TBC1D17: variants seen among roughly 807,000 people sequenced by gnomAD.
The protein encoded by TBC1D17 is TBC1 domain family member 17.
In TBC1D17, 69 loss-of-function variants were observed where a neutral mutation model predicts 78.8. The ratio of observed to expected loss-of-function variants is 0.88; its 90% CI spans 0.72 to 1.07. The LOEUF is 1.07. Among genes scored for constraint, TBC1D17 ranks in the 50% least tolerant of loss-of-function variants. TBC1D17 has a pLI of 0.00. For missense variants in TBC1D17, 957 were observed against 861.0 expected, an observed-to-expected ratio of 1.11 and a Z score of -1.39; for synonymous variants, 456 against 358.3, an observed-to-expected ratio of 1.27 and a Z score of -3.08.
intron 3 of TBC1D17, chr19:49,878,882 G>T (rs1397811996): frequency 2.8e-6 from 1 of 352,602 alleles, no homozygotes; most frequent in African/African-American, 2.1e-5. Flanking sequence ...GAAGGGAAAT[G>T]GCATTTCCTC....
chr19:49,882,764 G>C lies in TBC1D17; in HGVS notation c.799G>C (p.Val267Leu), dbSNP rs1305589473. 2.6e-6 allele frequency: 4 copies of C among 1,559,890 alleles called. No homozygotes were observed. The highest frequency in any genetic ancestry group is 2.6e-6 in the Non-Finnish European group (3 of 1,153,052). Residue 267 changes from valine (V) to leucine (L), a missense_variant and splice_region_variant, in exon 8 of 17, where the codon GTG (valine) becomes CTG (leucine). Physicochemically the swap from Val to Leu is conservative, Grantham distance 32 (BLOSUM62 1). Coordinates refer to ENST00000221543, the MANE Select transcript of TBC1D17 (RefSeq NM_024682.3). The part of the protein sequence containing the change: ...PEPGFEVISC[V>L]ELGPRPTVER... ...AGGCTCATTTGCTCTTTGCCTGCAG[G>C]TGGAGCTGGGGCCTCGGCCAACCGT...
At chr19:49,878,047 C>T (rs2074973847) in intron 1 of TBC1D17, 96 bp from the exon 2 acceptor site, 2 of 1,043,382 alleles carry the variant, frequency 1.9e-6, no homozygotes, top group Non-Finnish European at 2.8e-6. Context: ...CGGCCCCGCC[C>T]CCTGAGGGTG....
rs745877011 is a variant in TBC1D17, at chr19:49,882,839, C to G, written c.874C>G (p.Pro292Ala). 2 of 1,611,232 alleles carry G rather than the reference C, an allele frequency of 1.2e-6. No homozygotes were observed. Among genetic ancestry groups the G allele is most frequent in the Non-Finnish European group, 1.7e-6 (2 of 1,179,280 alleles). The change falls in exon 8 of 17, where the codon CCT becomes GCT. Residue 292 changes from proline to alanine, a missense_variant. Coordinates refer to ENST00000221543, the MANE Select transcript of TBC1D17 (RefSeq NM_024682.3). The stretch of plus-strand genomic sequence containing the variant: ...GGAGGAGTGGGCACGCCACGTGGGC[C>G]CTGAAGGTCGCCTGCAGCAGGTCCC... ...TEEEWARHVG[P>A]EGRLQQVPEL...
At chr19:49,884,397 G>A (rs749316436) in intron 11 of TBC1D17, 28 bp downstream of exon 11, 3 of 1,613,818 alleles carry the variant, frequency 1.9e-6, no homozygotes, top group African/African-American at 1.3e-5. Flanking sequence ...GGACGGGCGT[G>A]GCCGGGGCTG....
intron 13 of TBC1D17, chr19:49,887,121 G>GGCA (rs1329018087): frequency 3.1e-6 from 1 of 324,136 alleles, no homozygotes; most frequent in East Asian, 8.6e-5. Flanking sequence ...ACAGGCGTGC[G>GGCA]CCATCGCACC....
intron 4 of TBC1D17, 76 bp from the exon 5 acceptor site, chr19:49,881,191 GA>G: frequency 1.5e-6 from 2 of 1,355,598 alleles, no homozygotes; most frequent in Non-Finnish European, 2.0e-6. Flanking sequence ...TGTGCCGAAG[GA>G]ACATCCTGGG....
At position 49,888,480 on chromosome 19, in the gene TBC1D17, C is replaced by CA. The variant is rs1013461775; in HGVS notation, c.1804dup (p.Ser602LysfsTer78). 2 of 1,590,026 alleles carry CA rather than the reference C, an allele frequency of 1.3e-6. No individual in the cohort carries two copies. The highest frequency in any genetic ancestry group is 2.7e-5 in the African/African-American group (2 of 74,622). ...GGCTGGCCCCGCCCGCAGAGCCCCA[C>CA]AGCCCCTCGCCCACCGCCTCCCCGC... On this transcript the variant is annotated frameshift_variant, in exon 17 of 17. Coordinates refer to ENST00000221543, the MANE Select transcript of TBC1D17 (RefSeq NM_024682.3). LOFTEE classifies it low-confidence loss of function (END_TRUNC).
At chr19:49,888,058 C>A (rs889050244) in intron 15 of TBC1D17, 173 bp from the exon 16 acceptor site, 75 of 1,149,364 alleles carry the variant, frequency 6.5e-5, no homozygotes, top group Non-Finnish European at 8.9e-5. Context: ...TCCCCGAGTA[C>A]GTGCTCAGAA....
At chr19:49,886,274 A>G (rs1395644442) in intron 13 of TBC1D17, among the ~76,000 whole-genome samples, 1 of 152,210 alleles carries the variant, frequency 6.6e-6, no homozygotes, top group African/African-American at 2.4e-5. Flanking sequence ...GAAAAAAGAA[A>G]GTTAAAGTTG....
At chr19:49,887,389 T>A (rs2075067151) in intron 13 of TBC1D17, 87 bp from the exon 14 acceptor site, 1 of 1,387,224 alleles carries the variant, frequency 7.2e-7, no homozygotes, top group East Asian at 2.4e-5. Flanking sequence ...TGCCTAGACT[T>A]GGGGAAGGTC....
At position 49,883,664 on chromosome 19, in the gene TBC1D17, C is replaced by A; in HGVS notation, c.1045C>A (p.Arg349Ser). The change falls in exon 10 of 17, where the codon CGC becomes AGC. Residue 349 changes from arginine to serine, a missense_variant. Physicochemically the swap from Arg to Ser is moderately radical, Grantham distance 110. Coordinates refer to ENST00000221543, the MANE Select transcript of TBC1D17 (RefSeq NM_024682.3). The stretch of plus-strand genomic sequence containing the variant: ...TCTGTCACTCAGGGATGAGTATTTC[C>A]GCATGAAGCTGCAGTGGAAATCTGT... ...HIRKKTDEYF[R>S]MKLQWKSVSP... 2 of 1,613,844 alleles carry A rather than the reference C, an allele frequency of 1.2e-6. No homozygotes were observed. Among genetic ancestry groups the A allele is most frequent in the Non-Finnish European group, 1.7e-6 (2 of 1,179,896 alleles).
chr19:49,881,497 G>A, intron 5 of TBC1D17, 22 bp downstream of exon 5: 1 of 1,601,828 alleles, frequency 6.2e-7, no homozygotes, highest in East Asian at 2.2e-5. Flanking sequence ...CCCAGTGCTG[G>A]GCCTTAAACC....
At chr19:49,881,601 G>A (rs1044195146) in intron 5 of TBC1D17, 126 bp downstream of exon 5, 12 of 940,458 alleles carry the variant, frequency 1.3e-5, no homozygotes, top group African/African-American at 3.3e-5. Flanking sequence ...GAGTTGACCA[G>A]CACATATAAC....
chr19:49,883,618 C>T (rs750283528), intron 9 of TBC1D17, 33 bp from the exon 10 acceptor site: 50 of 1,590,478 alleles, frequency 3.1e-5, no homozygotes, highest in Non-Finnish European at 3.5e-5. Context: ...CAGACAGTGG[C>T]GGCCTCACAT....
At chr19:49,887,968 G>A in intron 15 of TBC1D17, 134 bp downstream of exon 15, 1 of 927,098 alleles carries the variant, frequency 1.1e-6, no homozygotes, top group South Asian at 1.7e-5. Context: ...GTGGGGGTGG[G>A]GCCGCGTAGG....
intron 10 of TBC1D17, 144 bp from the exon 11 acceptor site, chr19:49,884,109 A>T: frequency 2.7e-6 from 2 of 742,658 alleles, no homozygotes; most frequent in Non-Finnish European, 4.6e-6. Flanking sequence ...GATAGTTTCT[A>T]GAACCAGCTC....
intron 8 of TBC1D17, 27 bp downstream of exon 8, chr19:49,882,919 G>C (rs946762786): frequency 1.0e-5 from 16 of 1,598,020 alleles, no homozygotes; most frequent in Non-Finnish European, 1.4e-5. Flanking sequence ...GTGGAAGAAT[G>C]GGGCAGGGCC....
intron 4 of TBC1D17, among the ~76,000 whole-genome samples, chr19:49,880,712 G>A (rs537809183): frequency 3.3e-5 from 5 of 152,364 alleles, no homozygotes; most frequent in Middle Eastern, 3.4e-3. Context: ...GCCAGTTAGG[G>A]TGATTTGCAC....
Position 49,882,828 on chromosome 19 carries a change from G to T in TBC1D17, c.863G>T (p.Arg288Leu), listed in dbSNP as rs374395158. 3 of 1,610,670 alleles carry T rather than the reference G, an allele frequency of 1.9e-6. No individual in the cohort carries two copies. The highest frequency in any genetic ancestry group is 1.3e-5 in the African/African-American group (1 of 74,878). ...CCAGTTACAGAGGAGGAGTGGGCACGCCACGTGGGCCCTGAAGGTCGCCTG... is the reference window on the plus strand; with the variant it reads ...CCAGTTACAGAGGAGGAGTGGGCACTCCACGTGGGCCCTGAAGGTCGCCTG... ...GPPVTEEEWA[R>L]HVGPEGRLQQ... Residue 288 changes from arginine to leucine, a missense_variant, in exon 8 of 17, where the codon CGC becomes CTC. Physicochemically the swap from Arg to Leu is moderately radical, Grantham distance 102 (BLOSUM62 -2). Transcript: ENST00000221543.
Sources: allele counts gnomAD v4.1 joint callset (sites outside exome capture counted in the v4.1 genomes callset), GRCh38; gene constraint gnomAD v4.1.1; transcripts MANE v1.5; gene names NCBI Gene and HGNC (gene_info 2026-07-23, HGNC 2026-07-21).